HIGD1C: variants seen among roughly 807,000 people sequenced by gnomAD.
HIGD1C encodes HIG1 hypoxia inducible domain family member 1C, also known as HIG1 domain family member 1C.
A neutral mutation model predicts 13.1 loss-of-function variants in HIGD1C; 11 were observed. The observed-to-expected ratio is 0.84, with a 90% CI of 0.53 to 1.39. HIGD1C has a LOEUF of 1.39. Among genes scored for constraint, HIGD1C ranks in the 40% most tolerant of loss-of-function variants. The pLI is 0.00. For missense variants in HIGD1C, 110 were observed against 112.0 expected (o/e 0.98, Z 0.08); for synonymous variants, 36 against 37.7 (o/e 0.95, Z 0.17).
chr12:50,933,927 A>C, the HIGD1C span, among the ~76,000 whole-genome samples: 2 of 152,188 alleles, frequency 1.3e-5, no homozygotes, highest in African/African-American at 4.8e-5. Flanking sequence ...GCATCACCTC[A>C]TTGCAAGATC....
At chr12:50,943,550 A>G in the HIGD1C span, among the ~76,000 whole-genome samples, 32,561 of 151,904 alleles carry the variant, frequency 0.21, 4,041 homozygotes, top group East Asian at 0.5. Context: ...CTCTACTAAA[A>G]ATACAAAAAA....
At chr12:50,957,851 C>T (rs1939159515) in intron 1 of HIGD1C, among the ~76,000 whole-genome samples, 1 of 151,924 alleles carries the variant, frequency 6.6e-6, no homozygotes, top group South Asian at 2.1e-4. Flanking sequence ...TGCCACTGCA[C>T]TCCAGCCTTG....
chr12:50,967,315 T>G (rs1382846537), intron 2 of HIGD1C, among the ~76,000 whole-genome samples: 1 of 152,084 alleles, frequency 6.6e-6, no homozygotes, highest in Non-Finnish European at 1.5e-5. Flanking sequence ...CTGGCTAATT[T>G]TAAAATTTTT....
intron 2 of HIGD1C, among the ~76,000 whole-genome samples, chr12:50,962,999 A>G (rs897995781): frequency 2.0e-5 from 3 of 149,762 alleles, no homozygotes; most frequent in African/African-American, 7.5e-5. Context: ...AGGTATTTGA[A>G]CTTATATAAT....
exon 1 of HIGD1C, chr12:50,954,016 G>C: frequency 6.2e-7 from 1 of 1,611,482 alleles, no homozygotes; most frequent in Non-Finnish European, 8.5e-7. Context: ...CAGATAACCA[G>C]TGGTCAGCAG....
chr12:50,933,572 A>G, the HIGD1C span, among the ~76,000 whole-genome samples: 2 of 152,250 alleles, frequency 1.3e-5, no homozygotes, highest in Admixed American at 1.3e-4. Context: ...CCTCTGCTCT[A>G]TTAGGTAGCA....
chr12:50,972,060 G>C (rs1939775057), downstream of HIGD1C, among the ~76,000 whole-genome samples: 1 of 152,168 alleles, frequency 6.6e-6, no homozygotes, highest in Non-Finnish European at 1.5e-5. Context: ...TATTCCATTA[G>C]AGTAAATATT....
chr12:50,960,180 T>G (rs1436908888), intron 1 of HIGD1C, among the ~76,000 whole-genome samples: 1 of 152,234 alleles, frequency 6.6e-6, no homozygotes, highest in Non-Finnish European at 1.5e-5. Flanking sequence ...GCCAGAGTTA[T>G]GCTTCTTGTG....
At position 50,967,347 on chromosome 12, in the gene HIGD1C, A is replaced by G. The variant is rs550822054; in HGVS notation, c.230-3095A>G. Among the ~76,000 whole-genome samples the G allele has an allele frequency of 5.9e-5, 9 of 152,140 alleles. No homozygotes were observed. In the South Asian group the frequency reaches 1.7e-3, roughly 28 times the overall value. ...TTTTTCGTAGAGGTGGGATCTCCCT[A>G]TGTTGCCCAGGCAAGTCTCAAATTC... On this transcript the variant is annotated intron_variant, in intron 2 of 2. Transcript: ENST00000398455.
At chr12:50,954,777 T>C (rs900223934) in intron 1 of HIGD1C, among the ~76,000 whole-genome samples, 6 of 152,122 alleles carry the variant, frequency 3.9e-5, no homozygotes, top group Non-Finnish European at 8.8e-5. Context: ...CATCTAATGT[T>C]TTTAATGCTC....
chr12:50,953,925 G>T, exon 1 of HIGD1C: 1 of 842,794 alleles, frequency 1.2e-6, no homozygotes, highest in Non-Finnish European at 2.0e-6. Flanking sequence ...AGAGTATGAT[G>T]GGAGAGGAAA....
At chr12:50,947,112 G>GAATA in the HIGD1C span, among the ~76,000 whole-genome samples, 1 of 152,004 alleles carries the variant, frequency 6.6e-6, no homozygotes, top group African/African-American at 2.4e-5. Flanking sequence ...TATTCCTGCA[G>GAATA]ACTTATTTTT....
downstream of HIGD1C, chr12:50,970,540 C>T: frequency 7.9e-7 from 1 of 1,262,356 alleles, no homozygotes; most frequent in Non-Finnish European, 1.1e-6. Context: ...AGACAAGAAG[C>T]TTCTGAAAAC....
chr12:50,970,478 C>A, exon 3 of HIGD1C: 1 of 1,533,814 alleles, frequency 6.5e-7, no homozygotes, highest in Non-Finnish European at 8.8e-7. Flanking sequence ...TACATTAGAC[C>A]ACGATTCTTC....
chr12:50,951,503 A>T (rs1205605193), upstream of HIGD1C, among the ~76,000 whole-genome samples: 1 of 152,216 alleles, frequency 6.6e-6, no homozygotes, highest in African/African-American at 2.4e-5. Flanking sequence ...GAAGAGCACA[A>T]CATCATTTTT....
chr12:50,968,520 G>A (rs1465938772), intron 2 of HIGD1C, among the ~76,000 whole-genome samples: 4 of 152,074 alleles, frequency 2.6e-5, no homozygotes, highest in African/African-American at 9.7e-5. Flanking sequence ...CCTAGCAGCT[G>A]GGACTACAGG....
chr12:50,942,134 A>T, the HIGD1C span, among the ~76,000 whole-genome samples: 10 of 152,204 alleles, frequency 6.6e-5, no homozygotes, highest in East Asian at 1.7e-3. Flanking sequence ...CGCCCACCTC[A>T]GCCTCCCAAA....
chr12:50,938,205 C>A, the HIGD1C span, among the ~76,000 whole-genome samples: 167 of 152,020 alleles, frequency 1.1e-3, no homozygotes, highest in Non-Finnish European at 2.0e-3. Context: ...TCCACCCCCC[C>A]ACCCCCCTAC....
rs553740012 is a variant in HIGD1C, at chr12:50,966,737, A to T, written c.230-3705A>T. 2.0e-5 allele frequency among the ~76,000 whole-genome samples: 3 copies of T among 152,328 alleles called. No homozygotes were observed. The South Asian group carries it at 6.2e-4, about 32-fold the overall frequency. On this transcript the variant is annotated intron_variant, in intron 2 of 2. Transcript: ENST00000398455. ...GAGTCTCACTAAAATTTAAGTGTTC[A>T]AAGACCCATTTCATTTATGTCTGCC... is the stretch of plus-strand genomic sequence containing the variant.
Sources: gnomAD v4.1 joint callset for allele counts (sites outside exome capture counted in the v4.1 genomes callset) on GRCh38, gnomAD v4.1.1 for gene constraint, MANE v1.5 for transcripts, NCBI Gene and HGNC (gene_info 2026-07-23, HGNC 2026-07-21) for gene names.